ZNF793: variants seen among roughly 807,000 people sequenced by gnomAD.
ZNF793 encodes zinc finger protein 793.
Under a neutral mutation model 12.4 loss-of-function variants are expected in ZNF793, and 5 were observed. The ratio of observed to expected loss-of-function variants is 0.40; its 90% CI spans 0.21 to 0.84. ZNF793 has a LOEUF of 0.84. ZNF793 is among the 40% of genes least tolerant of loss of function. ZNF793 has a pLI of 0.35. For missense variants in ZNF793, 456 were observed against 495.0 expected (o/e 0.92, Z 0.75); for synonymous variants, 162 against 172.4 (o/e 0.94, Z 0.47).
At chr19:37,515,360 T>G (rs1308649253) in intron 2 of ZNF793, among the ~76,000 whole-genome samples, 1 of 151,694 alleles carries the variant, frequency 6.6e-6, no homozygotes, top group Non-Finnish European at 1.5e-5. Flanking sequence ...CAGGCTGGAG[T>G]GCAGTGGCGC....
At chr19:37,536,765 ACT>A (rs2042507963) in intron 7 of ZNF793, 130 bp from the exon 8 acceptor site, 3 of 961,010 alleles carry the variant, frequency 3.1e-6, no homozygotes, top group Admixed American at 3.0e-5. Flanking sequence ...CTCATAGAAC[ACT>A]CTTCCCTGCG....
rs965049588 is a variant in ZNF793, at chr19:37,539,845, T to C, written c.*1966T>C. The stretch of plus-strand genomic sequence containing the variant: ...GGAAAATGCTCCAGGCTCAGAAGAG[T>C]TCATGCTTAGTTCTATCTTTTAAAG... On this transcript the variant is annotated 3_prime_UTR_variant, in exon 8 of 8. Transcript: ENST00000627814. 6.6e-5 allele frequency: 10 copies of C among 151,970 alleles called. No homozygotes were observed. The highest frequency in any genetic ancestry group is 2.4e-4 in the African/African-American group (10 of 41,352). The allele number at this position is 151,970 out of a possible 1,614,324, so 9.4% of individuals were successfully genotyped here. A position where few individuals can be genotyped will look rare whatever the true frequency, so the allele number is the denominator to read the frequency against.
intron 2 of ZNF793, among the ~76,000 whole-genome samples, chr19:37,508,943 G>A (rs2042272690): frequency 6.6e-6 from 1 of 151,928 alleles, no homozygotes; most frequent in Non-Finnish European, 1.5e-5. Context: ...ATAAAGTCCT[G>A]GCAGAAAAAA....
Position 37,537,856 on chromosome 19 carries a change from T to C in ZNF793, c.1198T>C (p.Leu400=). ...ARKNAYRNEN[L]IIVGNT Reference sequence around the variant, plus strand: ...GAAGAATGCCTACAGGAATGAAAACTTAATAATTGTGGGAAATACTTGAGC... The same window carrying C: ...GAAGAATGCCTACAGGAATGAAAACCTAATAATTGTGGGAAATACTTGAGC... The change falls in exon 8 of 8, where the codon TTA becomes CTA. Residue 400 remains leucine (L), a synonymous_variant. Coordinates refer to ENST00000627814, the MANE Select transcript of ZNF793 (RefSeq NM_001013659.3). 1 of 1,594,552 alleles carries C rather than the reference T, an allele frequency of 6.3e-7. No individual in the cohort carries two copies. The highest frequency in any genetic ancestry group is 1.1e-5 in the South Asian group (1 of 89,296).
chr19:37,509,152 G>C (rs1442311773), intron 2 of ZNF793, among the ~76,000 whole-genome samples: 1 of 152,212 alleles, frequency 6.6e-6, no homozygotes, highest in Non-Finnish European at 1.5e-5. Context: ...ATTTCACAGT[G>C]GGGAAGCCTG....
Position 37,539,212 on chromosome 19 carries a change from G to A in ZNF793, c.*1333G>A, listed in dbSNP as rs1432651547. ...GTAAATGAAACACTGTAAACTATTT[G>A]ACAAAATGTAGTGTCACCCTGGTGT... is the stretch of plus-strand genomic sequence containing the variant. On this transcript the variant is annotated 3_prime_UTR_variant, in exon 8 of 8. Coordinates refer to ENST00000627814, the MANE Select transcript of ZNF793 (RefSeq NM_001013659.3). 6.6e-6 allele frequency: 1 copy of A among 152,130 alleles called. No individual in the cohort carries two copies. The highest frequency in any genetic ancestry group is 6.5e-5 in the Admixed American group (1 of 15,280). 9.4% of individuals were successfully genotyped at this position (152,130 alleles called of 1,614,324 possible).
In ZNF793 at chr19:37,537,436, T is replaced by C; in HGVS notation, c.778T>C (p.Cys260Arg). The C allele has an allele frequency of 6.2e-7, 1 of 1,613,628 alleles. No homozygotes were observed. Among genetic ancestry groups the C allele is most frequent in the Non-Finnish European group, 8.5e-7 (1 of 1,179,682 alleles). ...GGAGAAGCCTTATGGCTGCACTGAC[T>C]GTGGGAAAGCCTTTTCACATAAGTC... is the stretch of plus-strand genomic sequence containing the variant. Reference protein sequence around the residue: ...TGEKPYGCTDCGKAFSHKSTL... With the variant: ...TGEKPYGCTDRGKAFSHKSTL... Residue 260 changes from cysteine (C) to arginine (R), a missense_variant, in exon 8 of 8, where the codon TGT (cysteine) becomes CGT (arginine). Cys to Arg is a radical substitution (Grantham distance 180). Coordinates refer to ENST00000627814, the MANE Select transcript of ZNF793 (RefSeq NM_001013659.3).
In ZNF793 at chr19:37,539,130, TGTA is replaced by T. The variant is rs2042535042; in HGVS notation, c.*1254_*1256del. 1 of 152,214 alleles carries T rather than the reference TGTA, an allele frequency of 6.6e-6. No homozygotes were observed. The highest frequency in any genetic ancestry group is 2.4e-5 in the African/African-American group (1 of 41,460). The allele number at this position is 152,214 out of a possible 1,614,324, so 9.4% of individuals were successfully genotyped here. A position where few individuals can be genotyped will look rare whatever the true frequency, so the allele number is the denominator to read the frequency against. On this transcript the variant is annotated 3_prime_UTR_variant, in exon 8 of 8. Transcript: ENST00000627814. ...AATTTGGCCAAAAATTTTACTAAAA[TGTA>T]GTTATTTATATTAAAAATGCAAGCT...
chr19:37,530,288 C>G (rs1295010991), intron 5 of ZNF793, among the ~76,000 whole-genome samples: 1 of 152,144 alleles, frequency 6.6e-6, no homozygotes, highest in Non-Finnish European at 1.5e-5. Flanking sequence ...ATGCCTTCCT[C>G]TTGTCTCAAC....
At chr19:37,520,107 CT>C in intron 2 of ZNF793, 76 bp from the exon 3 acceptor site, 1 of 152,682 alleles carries the variant, frequency 6.5e-6, no homozygotes, top group Non-Finnish European at 1.5e-5. Flanking sequence ...CCTCTGCAGG[CT>C]TTTCCCCCTG....
Position 37,541,923 on chromosome 19 carries a change from T to C in ZNF793, c.*4044T>C, listed in dbSNP as rs2042554496. ...GAGAAGAGCAAATCTAAGTGGCCAA[T>C]GGACCTGTCCAAAAATGTTTATCCT... On this transcript the variant is annotated 3_prime_UTR_variant, in exon 8 of 8. Transcript: ENST00000627814. 1 of 152,230 alleles carries C rather than the reference T, an allele frequency of 6.6e-6. No individual in the cohort carries two copies. Among genetic ancestry groups the C allele is most frequent in the Non-Finnish European group, 1.5e-5 (1 of 68,062 alleles). The allele number at this position is 152,230 out of a possible 1,614,324, so 9.4% of individuals were successfully genotyped here.
intron 2 of ZNF793, among the ~76,000 whole-genome samples, chr19:37,509,232 G>A (rs751183072): frequency 6.6e-6 from 1 of 151,982 alleles, no homozygotes; most frequent in Non-Finnish European, 1.5e-5. Context: ...TCCCTTACCC[G>A]CTTCCTACCC....
intron 5 of ZNF793, among the ~76,000 whole-genome samples, chr19:37,527,455 G>T (rs1313120366): frequency 6.6e-6 from 1 of 152,100 alleles, no homozygotes; most frequent in African/African-American, 2.4e-5. Flanking sequence ...TATGTGCCAG[G>T]CACTGTTCAA....
intron 7 of ZNF793, chr19:37,534,921 C>T (rs939940702): frequency 1.1e-4 from 17 of 152,368 alleles, no homozygotes; most frequent in Non-Finnish European, 2.3e-4. Context: ...TGGGCTCAAG[C>T]AGTCCACCTG....
rs745945515 is a variant in ZNF793, at chr19:37,542,395, CAAAAG to C, written c.*4530_*4534del. Reference sequence around the variant, plus strand: ...GCAACAGAGCAAAAAGATTCCATCTCAAAAGAAAAGAAAAGAAATCTGTTAATATT... The same window carrying C: ...GCAACAGAGCAAAAAGATTCCATCTCAAAAGAAAAGAAATCTGTTAATATT... On this transcript the variant is annotated 3_prime_UTR_variant, in exon 8 of 8. Transcript: ENST00000627814. 27 of 362,608 alleles carry C rather than the reference CAAAAG, an allele frequency of 7.4e-5. No individual in the cohort carries two copies. Among genetic ancestry groups the C allele is most frequent in the South Asian group, 1.1e-4 (5 of 46,392 alleles). The allele number at this position is 362,608 out of a possible 1,614,324, so 22.5% of individuals were successfully genotyped here.
Position 37,541,675 on chromosome 19 carries a change from T to G in ZNF793, c.*3796T>G, listed in dbSNP as rs1203450271. 6.6e-6 allele frequency: 1 copy of G among 150,812 alleles called. No individual in the cohort carries two copies. Among genetic ancestry groups the G allele is most frequent in the African/African-American group, 2.4e-5 (1 of 40,964 alleles). The allele number at this position is 150,812 out of a possible 1,614,324, so 9.3% of individuals were successfully genotyped here. A position where few individuals can be genotyped will look rare whatever the true frequency, so the allele number is the denominator to read the frequency against. On this transcript the variant is annotated 3_prime_UTR_variant, in exon 8 of 8. Transcript: ENST00000627814. Reference sequence around the variant, plus strand: ...GCCTGGGCAACAGAGCAAGACTCCATCTCAGAAAAAAAGAAAAAGAAAAAA... The same window carrying G: ...GCCTGGGCAACAGAGCAAGACTCCAGCTCAGAAAAAAAGAAAAAGAAAAAA...
intron 2 of ZNF793, among the ~76,000 whole-genome samples, chr19:37,517,471 A>G (rs2042341721): frequency 6.6e-6 from 1 of 152,026 alleles, no homozygotes; most frequent in Non-Finnish European, 1.5e-5. Context: ...AAAAAAAAAA[A>G]AAAAATGTGC....
chr19:37,518,583 C>G (rs1161438537), intron 2 of ZNF793, among the ~76,000 whole-genome samples: 1 of 143,932 alleles, frequency 6.9e-6, no homozygotes, highest in Non-Finnish European at 1.5e-5. Flanking sequence ...TGCTTGAGTC[C>G]GGGAGTCCAA....
Position 37,542,506 on chromosome 19 carries a change from A to G in ZNF793, c.*4627A>G. On this transcript the variant is annotated 3_prime_UTR_variant, in exon 8 of 8. Transcript: ENST00000627814. ...ACATAAAAGACAGATGAACATGTGAACATGGACATTTATTGTAAAAATTGT... is the reference window on the plus strand; with the variant it reads ...ACATAAAAGACAGATGAACATGTGAGCATGGACATTTATTGTAAAAATTGT... 2.6e-6 allele frequency: 1 copy of G among 382,408 alleles called. No individual in the cohort carries two copies. The highest frequency in any genetic ancestry group is 5.2e-6 in the Non-Finnish European group (1 of 190,534). 23.7% of individuals were successfully genotyped at this position (382,408 alleles called of 1,614,324 possible). A position where few individuals can be genotyped will look rare whatever the true frequency, so the allele number is the denominator to read the frequency against.
Sources: gnomAD v4.1 joint callset for allele counts (sites outside exome capture counted in the v4.1 genomes callset) on GRCh38, gnomAD v4.1.1 for gene constraint, MANE v1.5 for transcripts, NCBI Gene and HGNC (gene_info 2026-07-23, HGNC 2026-07-21) for gene names.